CAMK4: variants seen among roughly 807,000 people sequenced by gnomAD.
CAMK4 encodes the protein calcium/calmodulin dependent protein kinase IV, also known as calcium/calmodulin-dependent protein kinase type IV.
A neutral mutation model predicts 44.9 loss-of-function variants in CAMK4; 22 were observed. That is an observed-to-expected ratio of 0.49 (90% confidence interval 0.35 to 0.70). The LOEUF is 0.70. Among genes scored for constraint, CAMK4 ranks in the 30% least tolerant of loss-of-function variants. The pLI is 0.01. For missense variants in CAMK4, 498 were observed against 586.8 expected, an observed-to-expected ratio of 0.85 and a Z score of 1.56; for synonymous variants, 218 against 215.4, an observed-to-expected ratio of 1.01 and a Z score of -0.11.
intron 4 of CAMK4, among the ~76,000 whole-genome samples, chr5:111,384,143 G>T (rs879783206): frequency 6.6e-6 from 1 of 152,160 alleles, no homozygotes; most frequent in African/African-American, 2.4e-5. Context: ...AACTGGTGAA[G>T]ATTTTAAGTG....
intron 5 of CAMK4, among the ~76,000 whole-genome samples, chr5:111,437,664 G>T (rs1425807788): frequency 6.6e-6 from 1 of 152,196 alleles, no homozygotes; most frequent in African/African-American, 2.4e-5. Flanking sequence ...GATGAGGAGA[G>T]CTGGCCAGAT....
intron 7 of CAMK4, among the ~76,000 whole-genome samples, chr5:111,472,238 G>T (rs1215837318): frequency 2.0e-5 from 3 of 152,096 alleles, no homozygotes; most frequent in Non-Finnish European, 4.4e-5. Flanking sequence ...GACATTTCCA[G>T]CCAGCATGGA....
In CAMK4 at chr5:111,491,152, A is replaced by C. The variant is rs750152262; in HGVS notation, c.*6686A>C. The stretch of plus-strand genomic sequence containing the variant: ...CCCCAAGAACTGAACTCAAATCTCC[A>C]AAAATTTTTCAGAACTCAAGCAACC... On this transcript the variant is annotated 3_prime_UTR_variant, in exon 11 of 11. Transcript: ENST00000282356. The C allele has an allele frequency of 6.6e-6, 1 of 152,204 alleles. No homozygotes were observed. Among genetic ancestry groups the C allele is most frequent in the Non-Finnish European group, 1.5e-5 (1 of 68,032 alleles). The allele number at this position is 152,204 out of a possible 1,614,324, so 9.4% of individuals were successfully genotyped here. A position where few individuals can be genotyped will look rare whatever the true frequency, so the allele number is the denominator to read the frequency against.
chr5:111,231,027 T>A (rs190156390), intron 1 of CAMK4, among the ~76,000 whole-genome samples: 43 of 152,332 alleles, frequency 2.8e-4, no homozygotes, highest in Non-Finnish European at 5.3e-4. Flanking sequence ...ATTATATTGA[T>A]CTTTACCTCA....
intron 1 of CAMK4, among the ~76,000 whole-genome samples, chr5:111,301,218 T>G (rs955669995): frequency 6.6e-6 from 1 of 152,190 alleles, no homozygotes; most frequent in Non-Finnish European, 1.5e-5. Flanking sequence ...CCTAGCATAA[T>G]TGAAAAGATT....
intron 7 of CAMK4, among the ~76,000 whole-genome samples, chr5:111,457,379 A>G (rs1020685328): frequency 3.9e-5 from 6 of 152,234 alleles, no homozygotes; most frequent in Admixed American, 6.5e-5. Flanking sequence ...AACATGTCCT[A>G]TGAATATTAC....
chr5:111,344,516 G>T (rs562561455), intron 2 of CAMK4, among the ~76,000 whole-genome samples: 65 of 151,668 alleles, frequency 4.3e-4, no homozygotes, highest in Admixed American at 1.6e-3. Context: ...CTATTGAAAA[G>T]AATTTGAAAT....
chr5:111,279,158 C>A (rs999376693), intron 1 of CAMK4, among the ~76,000 whole-genome samples: 2 of 152,130 alleles, frequency 1.3e-5, no homozygotes, highest in African/African-American at 4.8e-5. Flanking sequence ...TTATTTGTAG[C>A]AAATTTGGTC....
At chr5:111,390,493 A>G (rs763126016) in intron 4 of CAMK4, among the ~76,000 whole-genome samples, 7 of 152,216 alleles carry the variant, frequency 4.6e-5, no homozygotes, top group Non-Finnish European at 1.0e-4. Flanking sequence ...TAAAGAAAAC[A>G]GAAATCAAAG....
chr5:111,381,482 G>A (rs1027142255), intron 4 of CAMK4, among the ~76,000 whole-genome samples: 4 of 152,126 alleles, frequency 2.6e-5, no homozygotes, highest in African/African-American at 9.7e-5. Context: ...GATGTTCAAA[G>A]GCAGCACAGG....
chr5:111,231,650 A>G (rs1386335178), intron 1 of CAMK4, among the ~76,000 whole-genome samples: 2 of 152,228 alleles, frequency 1.3e-5, no homozygotes, highest in African/African-American at 4.8e-5. Context: ...GTATTACCAT[A>G]AGATTTCTGT....
At chr5:111,286,944 G>GT (rs1751260457) in intron 1 of CAMK4, among the ~76,000 whole-genome samples, 1 of 152,058 alleles carries the variant, frequency 6.6e-6, no homozygotes, top group Non-Finnish European at 1.5e-5. Flanking sequence ...GTTTTTGTAG[G>GT]TTTGCTTCTG....
At position 111,441,781 on chromosome 5, in the gene CAMK4, C is replaced by G. The variant is rs529213740; in HGVS notation, c.460-4905C>G. On this transcript the variant is annotated intron_variant, in intron 5 of 10. Coordinates refer to ENST00000282356, the MANE Select transcript of CAMK4 (RefSeq NM_001744.6). Reference sequence around the variant, plus strand: ...TGTTAATCCCCATGATTTACATAATCTGTAGCTAAAATCAACAATATCTTG... The same window carrying G: ...TGTTAATCCCCATGATTTACATAATGTGTAGCTAAAATCAACAATATCTTG... Among the ~76,000 whole-genome samples, 126 of 152,288 alleles carry G rather than the reference C, an allele frequency of 8.3e-4. 1 individual carries two copies. The highest frequency in any genetic ancestry group is 2.8e-3 in the African/African-American group (115 of 41,548).
chr5:111,456,861 G>T (rs1375521147), intron 7 of CAMK4, among the ~76,000 whole-genome samples: 1 of 152,062 alleles, frequency 6.6e-6, no homozygotes, highest in African/African-American at 2.4e-5. Context: ...TCCAAAATTG[G>T]AAATGATTGG....
intron 7 of CAMK4, among the ~76,000 whole-genome samples, chr5:111,469,969 T>C (rs917482988): frequency 1.3e-5 from 2 of 152,244 alleles, no homozygotes; most frequent in Non-Finnish European, 1.5e-5. Flanking sequence ...AATGTCAGTA[T>C]GGGGCTTGAT....
intron 1 of CAMK4, among the ~76,000 whole-genome samples, chr5:111,241,047 G>T (rs1233584680): frequency 1.3e-5 from 2 of 151,366 alleles, no homozygotes; most frequent in African/African-American, 4.9e-5. Context: ...GATTAAAAAA[G>T]GTAAATTCTT....
chr5:111,374,412 G>A (rs1751130834), intron 2 of CAMK4, among the ~76,000 whole-genome samples: 1 of 152,144 alleles, frequency 6.6e-6, no homozygotes, highest in African/African-American at 2.4e-5. Context: ...ACAATGGCCA[G>A]GGAACAGGAT....
intron 1 of CAMK4, among the ~76,000 whole-genome samples, chr5:111,315,413 T>A (rs1748377287): frequency 6.6e-6 from 1 of 152,172 alleles, no homozygotes; most frequent in Admixed American, 6.6e-5. Context: ...CATTTATTAA[T>A]GATTTCTTGT....
intron 5 of CAMK4, among the ~76,000 whole-genome samples, chr5:111,403,894 G>T (rs1464177576): frequency 1.3e-5 from 2 of 152,118 alleles, no homozygotes; most frequent in Non-Finnish European, 2.9e-5. Context: ...AGCCACAATA[G>T]ATTCTGGAGC....
Sources: allele counts gnomAD v4.1 joint callset (sites outside exome capture counted in the v4.1 genomes callset), GRCh38; gene constraint gnomAD v4.1.1; transcripts MANE v1.5; gene names NCBI Gene and HGNC (gene_info 2026-07-23, HGNC 2026-07-21).